TTC33: variants seen among roughly 807,000 people sequenced by gnomAD.
The protein encoded by TTC33 is tetratricopeptide repeat protein 33.
Under a neutral mutation model 29.4 loss-of-function variants are expected in TTC33, and 24 were observed. That is an observed-to-expected ratio of 0.82 (90% CI 0.59 to 1.15). The LOEUF (loss-of-function observed/expected upper bound fraction) is 1.15, where lower values mean the gene tolerates loss of function less well. Among genes scored for constraint, TTC33 ranks in the 50% most tolerant of loss-of-function variants. The pLI, the probability that TTC33 is intolerant of heterozygous loss-of-function variation, is 0.00. For missense variants in TTC33, 286 were observed against 310.4 expected (o/e 0.92, Z 0.59); for synonymous variants, 107 against 100.3 (o/e 1.07, Z -0.40).
chr5:40,741,721 G>A (rs560386245), intron 2 of TTC33, among the ~76,000 whole-genome samples: 1 of 152,182 alleles, frequency 6.6e-6, no homozygotes, highest in East Asian at 1.9e-4. Context: ...ACGCACGGTA[G>A]CTCACACCTG....
At position 40,716,048 on chromosome 5, in the gene TTC33, A is replaced by G; in HGVS notation, c.*97T>C. 1.0e-6 allele frequency: 1 copy of G among 1,003,756 alleles called. No homozygotes were observed. Among genetic ancestry groups the G allele is most frequent in the Non-Finnish European group, 1.4e-6 (1 of 699,078 alleles). The allele number at this position is 1,003,756 out of a possible 1,614,324, so 62.2% of individuals were successfully genotyped here. ...CATCTGAAAAACATATTTTACAACC[A>G]GGCGTTCTCCTATCTATCTCCAGAG... On this transcript the variant is annotated 3_prime_UTR_variant, in exon 5 of 5. Transcript: ENST00000337702.
chr5:40,727,827 T>C (rs570789136), intron 4 of TTC33, among the ~76,000 whole-genome samples: 24 of 152,268 alleles, frequency 1.6e-4, no homozygotes, highest in South Asian at 1.2e-3. Context: ...AACTGAAAAA[T>C]ATTCTGATCA....
chr5:40,739,350 G>C (rs919730923), intron 2 of TTC33, among the ~76,000 whole-genome samples: 2 of 152,166 alleles, frequency 1.3e-5, no homozygotes, highest in Admixed American at 6.5e-5. Context: ...CGGGAGAACT[G>C]ATGTATTAAC....
chr5:40,728,111 G>A (rs1332318187), intron 4 of TTC33, among the ~76,000 whole-genome samples: 5 of 151,520 alleles, frequency 3.3e-5, no homozygotes, highest in Admixed American at 2.0e-4. Flanking sequence ...GTGACACCCC[G>A]TCTCTACTAA....
chr5:40,735,359 G>T (rs768469152), intron 2 of TTC33, among the ~76,000 whole-genome samples: 30 of 152,138 alleles, frequency 2.0e-4, no homozygotes, highest in Non-Finnish European at 3.8e-4. Context: ...GATAACCCTA[G>T]ATAAGGATAG....
At chr5:40,720,361 GGTTT>G (rs1742098441) in intron 4 of TTC33, among the ~76,000 whole-genome samples, 1 of 152,104 alleles carries the variant, frequency 6.6e-6, no homozygotes, top group Admixed American at 6.5e-5. Context: ...TAAAAATGTA[GGTTT>G]ATTTCTGTAC....
At chr5:40,746,033 C>T (rs188766505) in intron 2 of TTC33, among the ~76,000 whole-genome samples, 11 of 152,076 alleles carry the variant, frequency 7.2e-5, no homozygotes, top group Admixed American at 3.9e-4. Context: ...ATTTTTAATC[C>T]CTCCAGGGTC....
At chr5:40,726,128 T>C (rs992555875) in intron 4 of TTC33, among the ~76,000 whole-genome samples, 39 of 147,384 alleles carry the variant, frequency 2.6e-4, no homozygotes, top group Admixed American at 2.0e-3. Context: ...TAAAATCTCA[T>C]TCTCATAAAG....
chr5:40,748,638 A>G (rs745805070), intron 1 of TTC33, among the ~76,000 whole-genome samples: 3 of 152,210 alleles, frequency 2.0e-5, no homozygotes, highest in Non-Finnish European at 4.4e-5. Context: ...CAATCAGTGG[A>G]GGTTGGGAGT....
At chr5:40,742,511 G>T (rs1484588318) in intron 2 of TTC33, among the ~76,000 whole-genome samples, 1 of 152,152 alleles carries the variant, frequency 6.6e-6, no homozygotes, top group Non-Finnish European at 1.5e-5. Flanking sequence ...GTCAACAGCA[G>T]AACTAGGATA....
chr5:40,748,406 G>C (rs1167443927), intron 1 of TTC33, among the ~76,000 whole-genome samples: 1 of 151,942 alleles, frequency 6.6e-6, no homozygotes, highest in Non-Finnish European at 1.5e-5. Context: ...ATGTTGGTGA[G>C]GGTGGTCTTG....
chr5:40,730,615 C>T (rs1027343809), intron 2 of TTC33, among the ~76,000 whole-genome samples: 10 of 152,144 alleles, frequency 6.6e-5, no homozygotes, highest in African/African-American at 2.2e-4. Context: ...CCTCCACCCC[C>T]GGGCAAACAC....
intron 4 of TTC33, among the ~76,000 whole-genome samples, chr5:40,726,711 A>C (rs1476333296): frequency 1.3e-5 from 2 of 152,050 alleles, no homozygotes; most frequent in East Asian, 3.8e-4. Flanking sequence ...TCTCACCTGC[A>C]GTGTATTTTC....
At chr5:40,731,214 T>G (rs1318390761) in intron 2 of TTC33, among the ~76,000 whole-genome samples, 1 of 152,170 alleles carries the variant, frequency 6.6e-6, no homozygotes, top group East Asian at 1.9e-4. Flanking sequence ...TAGTAGCAAA[T>G]GTCTTTCCTC....
At chr5:40,741,370 T>C (rs901809427) in intron 2 of TTC33, among the ~76,000 whole-genome samples, 22 of 152,192 alleles carry the variant, frequency 1.4e-4, no homozygotes, top group African/African-American at 4.8e-4. Flanking sequence ...CCATTCTGAA[T>C]GGCTGAAGCT....
chr5:40,724,658 A>AC (rs1413769675), intron 4 of TTC33, among the ~76,000 whole-genome samples: 3 of 152,160 alleles, frequency 2.0e-5, no homozygotes, highest in Non-Finnish European at 2.9e-5. Context: ...AAACAAACAA[A>AC]AAAAAACAGA....
intron 2 of TTC33, among the ~76,000 whole-genome samples, chr5:40,732,814 G>A (rs1366431458): frequency 2.0e-5 from 3 of 151,960 alleles, no homozygotes; most frequent in Non-Finnish European, 4.4e-5. Flanking sequence ...CACCATGTTG[G>A]CCAGGCTGGT....
At chr5:40,726,731 A>G (rs1742297570) in intron 4 of TTC33, among the ~76,000 whole-genome samples, 1 of 152,114 alleles carries the variant, frequency 6.6e-6, no homozygotes, top group Non-Finnish European at 1.5e-5. Flanking sequence ...CTTTCTTTAT[A>G]AAGGACAATC....
rs1742347484 is a variant in TTC33 at position 40,728,438 on chromosome 5, A to C, written c.342T>G (p.His114Gln). The change falls in exon 4 of 5, where the codon CAT becomes CAG. Residue 114 changes from histidine (H) to glutamine (Q), a missense_variant. By Grantham distance (24) the His-to-Gln change is conservative (BLOSUM62 0). Coordinates refer to ENST00000337702, the MANE Select transcript of TTC33 (RefSeq NM_012382.3). The part of the protein sequence containing the change: ...MSLHEMFPAV[H>Q]AAEMAVQQNP... ...TTTGCTGGACGGCCATTTCTGCTGC[A>C]TGTACTGCTGGGAACATTTCATGAA... is the stretch of plus-strand genomic sequence containing the variant. The C allele has an allele frequency of 2.5e-6, 4 of 1,613,684 alleles. No individual in the cohort carries two copies. In the African/African-American group the frequency reaches 5.3e-5, roughly 22 times the overall value.
Sources: allele counts gnomAD v4.1 joint callset (sites outside exome capture counted in the v4.1 genomes callset), GRCh38; gene constraint gnomAD v4.1.1; transcripts MANE v1.5; gene names NCBI Gene and HGNC (gene_info 2026-07-23, HGNC 2026-07-21).